The following LYRM4 variants were observed in gnomAD, a reference collection of about 807,000 sequenced individuals.
LYRM4 encodes LYR motif-containing protein 4.
In LYRM4, 9 loss-of-function variants were observed where a neutral mutation model predicts 11.7. That is an observed-to-expected ratio of 0.77 (90% confidence interval 0.46 to 1.34). The LOEUF (loss-of-function observed/expected upper bound fraction) is 1.34. LYRM4 is among the 40% of genes most tolerant of loss of function. The pLI, the probability that LYRM4 is intolerant of heterozygous loss-of-function variation, is 0.00. For missense variants in LYRM4, 133 were observed against 112.5 expected, an observed-to-expected ratio of 1.18 and a Z score of -0.82; for synonymous variants, 42 against 40.4, an observed-to-expected ratio of 1.04 and a Z score of -0.15.
At chr6:5,260,598 T>TGCCCCGGCCCCGGGGGC in intron 1 of LYRM4, 50 bp downstream of exon 1, 1 of 1,105,570 alleles carries the variant, frequency 9.0e-7, no homozygotes, top group Non-Finnish European at 1.3e-6. Flanking sequence ...GCACCCCCGG[T>TGCCCCGGCCCCGGGGGC]CCCCGGCCCC....
At chr6:5,191,729 G>T (rs547725665) in intron 2 of LYRM4, among the ~76,000 whole-genome samples, 2 of 152,246 alleles carry the variant, frequency 1.3e-5, no homozygotes, top group South Asian at 2.1e-4. Flanking sequence ...AAAGGTTGTT[G>T]GGGAACAGAT....
chr6:5,033,637 A>T, the LYRM4 span: 1 of 152,228 alleles, frequency 6.6e-6, no homozygotes, highest in Admixed American at 6.5e-5. Context: ...CCACACTTTT[A>T]AGTTGAGAAA....
rs1761329825 is a variant in LYRM4 at position 5,200,581 on chromosome 6, A to T, written c.207+16037T>A. 2.6e-5 allele frequency among the ~76,000 whole-genome samples: 4 copies of T among 152,360 alleles called. No homozygotes were observed. In the South Asian group the frequency reaches 8.3e-4, roughly 32 times the overall value. ...GAGAGCAAAGATTGAATTTAGAGAG[A>T]TCCAGAGATCAGGGAAAGTCATCAC... On this transcript the variant is annotated intron_variant, in intron 2 of 2. Coordinates refer to ENST00000330636, the MANE Select transcript of LYRM4 (RefSeq NM_020408.6).
the LYRM4 span, among the ~76,000 whole-genome samples, chr6:5,097,501 A>G: frequency 6.6e-6 from 1 of 152,226 alleles, no homozygotes; most frequent in Non-Finnish European, 1.5e-5. Context: ...GGCATGAGCC[A>G]CCGCACCTGG....
intron 2 of LYRM4, among the ~76,000 whole-genome samples, chr6:5,110,399 G>A (rs1336288013): frequency 6.8e-6 from 1 of 147,930 alleles, no homozygotes; most frequent in East Asian, 1.9e-4. Flanking sequence ...AGGCGATCAT[G>A]TCATTACTAC....
chr6:5,119,471 T>G (rs75118391), intron 2 of LYRM4, among the ~76,000 whole-genome samples: 1 of 152,072 alleles, frequency 6.6e-6, no homozygotes, highest in Non-Finnish European at 1.5e-5. Flanking sequence ...ACCGGCTTGT[T>G]GTCTTTCTGA....
At chr6:5,195,530 A>C (rs1394534172) in intron 2 of LYRM4, among the ~76,000 whole-genome samples, 1 of 152,186 alleles carries the variant, frequency 6.6e-6, no homozygotes, top group African/African-American at 2.4e-5. Flanking sequence ...GCTACTCAGG[A>C]GGCTGAGGCA....
the LYRM4 span, chr6:5,085,470 AG>A: frequency 6.6e-7 from 1 of 1,522,998 alleles, no homozygotes; most frequent in Non-Finnish European, 8.8e-7. Context: ...GAGCAAGTCC[AG>A]GGGCGAACGG....
At chr6:5,062,478 T>G in the LYRM4 span, among the ~76,000 whole-genome samples, 3 of 151,916 alleles carry the variant, frequency 2.0e-5, no homozygotes. Context: ...ATAATATCAT[T>G]TCCCCTGAAT....
At chr6:5,046,708 A>C in the LYRM4 span, among the ~76,000 whole-genome samples, 2 of 152,204 alleles carry the variant, frequency 1.3e-5, no homozygotes, top group African/African-American at 4.8e-5. Flanking sequence ...AAATATGCCA[A>C]GATACCCAGG....
chr6:5,091,959 T>C, the LYRM4 span, among the ~76,000 whole-genome samples: 1 of 152,236 alleles, frequency 6.6e-6, no homozygotes, highest in South Asian at 2.1e-4. Flanking sequence ...GTCCTGTTCT[T>C]TGAAACTTGT....
At chr6:5,163,170 G>GT (rs1758869330) in intron 2 of LYRM4, among the ~76,000 whole-genome samples, 2 of 152,234 alleles carry the variant, frequency 1.3e-5, no homozygotes, top group South Asian at 4.1e-4. Context: ...TTACAAAGGT[G>GT]TTTTTTGTTT....
At chr6:5,041,150 G>A in the LYRM4 span, among the ~76,000 whole-genome samples, 1 of 151,844 alleles carries the variant, frequency 6.6e-6, no homozygotes, top group Non-Finnish European at 1.5e-5. Flanking sequence ...GGGTGACAGA[G>A]TGAGACTCGT....
chr6:5,256,287 C>CA (rs1045341549), intron 1 of LYRM4, among the ~76,000 whole-genome samples: 4 of 151,406 alleles, frequency 2.6e-5, no homozygotes, highest in Non-Finnish European at 4.4e-5. Flanking sequence ...GTCAGGAGTT[C>CA]AAGATCAGCC....
intron 2 of LYRM4, among the ~76,000 whole-genome samples, chr6:5,161,948 C>T (rs557919639): frequency 2.0e-5 from 3 of 152,316 alleles, no homozygotes; most frequent in African/African-American, 7.2e-5. Flanking sequence ...TTTAGGAAAT[C>T]TGTGAGCATC....
downstream of LYRM4, chr6:5,106,756 T>C (rs1311958297): frequency 6.6e-6 from 1 of 152,262 alleles, no homozygotes; most frequent in East Asian, 1.9e-4. Context: ...GGAAGTTAAC[T>C]AATGATAGTA....
intron 2 of LYRM4, chr6:5,136,835 T>A: frequency 1.0e-6 from 1 of 984,922 alleles, no homozygotes; most frequent in Non-Finnish European, 1.2e-6. Context: ...TCTTAACAGC[T>A]TTATGGAGAT....
chr6:5,069,452 A>G, the LYRM4 span, among the ~76,000 whole-genome samples: 723 of 149,620 alleles, frequency 4.8e-3, 6 homozygotes, highest in Middle Eastern at 0.029. Flanking sequence ...CATCAGCTAC[A>G]CTATATATAT....
At chr6:5,117,656 C>T (rs982724099) in intron 2 of LYRM4, among the ~76,000 whole-genome samples, 1 of 151,988 alleles carries the variant, frequency 6.6e-6, no homozygotes, top group African/African-American at 2.4e-5. Context: ...AAATGGTGTA[C>T]TCTGCTCTAT....
Sources: allele counts gnomAD v4.1 joint callset (sites outside exome capture counted in the v4.1 genomes callset), GRCh38; gene constraint gnomAD v4.1.1; transcripts MANE v1.5; gene names NCBI Gene and HGNC (gene_info 2026-07-23, HGNC 2026-07-21).